The following CFAP96 variants were observed in gnomAD, a reference collection of about 807,000 sequenced individuals.
CFAP96 encodes the protein cilia and flagella associated protein 96.
chr4:185,436,619 A>G, the CFAP96 span, among the ~76,000 whole-genome samples: 1 of 152,070 alleles, frequency 6.6e-6, no homozygotes. Context: ...CTGAGGCAGG[A>G]GAACCGCTTG....
At chr4:185,429,771 G>C in the CFAP96 span, among the ~76,000 whole-genome samples, 2 of 152,100 alleles carry the variant, frequency 1.3e-5, no homozygotes, top group Non-Finnish European at 2.9e-5. Context: ...CTGGGCTCAA[G>C]GGTTCCTCCC....
the CFAP96 span, among the ~76,000 whole-genome samples, chr4:185,421,149 A>C: frequency 6.6e-6 from 1 of 152,224 alleles, no homozygotes; most frequent in South Asian, 2.1e-4. Flanking sequence ...TCTCTGTCCC[A>C]GAAATGTAGT....
the CFAP96 span, chr4:185,436,467 T>G: frequency 2.5e-6 from 2 of 787,318 alleles, no homozygotes; most frequent in African/African-American, 3.4e-5. Flanking sequence ...ATCCCAGCAC[T>G]TGGGGTGGCC....
chr4:185,415,920 A>G, the CFAP96 span: 1 of 1,428,146 alleles, frequency 7.0e-7, no homozygotes, highest in Non-Finnish European at 9.5e-7. Flanking sequence ...CACTAAATAT[A>G]AAGAGTAAGT....
At chr4:185,445,604 A>G in the CFAP96 span, 33 of 1,058,410 alleles carry the variant, frequency 3.1e-5, no homozygotes, top group Non-Finnish European at 4.5e-5. Context: ...ATGCTTTGAG[A>G]AAAAGTATAT....
chr4:185,410,775 T>C, the CFAP96 span, among the ~76,000 whole-genome samples: 1 of 151,566 alleles, frequency 6.6e-6, no homozygotes, highest in African/African-American at 2.4e-5. Context: ...TGAAACCCCA[T>C]CTCTACTAAA....
the CFAP96 span, among the ~76,000 whole-genome samples, chr4:185,424,010 T>C: frequency 1.3e-5 from 2 of 151,782 alleles, no homozygotes; most frequent in Admixed American, 6.6e-5. Flanking sequence ...TCTTCAAATG[T>C]AAAACACAGG....
the CFAP96 span, among the ~76,000 whole-genome samples, chr4:185,442,303 G>T: frequency 6.6e-6 from 1 of 152,082 alleles, no homozygotes; most frequent in East Asian, 1.9e-4. Flanking sequence ...TTTATAATTT[G>T]AATCTTCAGA....
the CFAP96 span, among the ~76,000 whole-genome samples, chr4:185,408,604 T>C: frequency 3.3e-5 from 5 of 152,248 alleles, no homozygotes; most frequent in Non-Finnish European, 7.3e-5. Context: ...CTTGGCTTTT[T>C]ATTTGAGGTT....
the CFAP96 span, chr4:185,414,011 A>G: frequency 1.5e-6 from 1 of 673,912 alleles, no homozygotes; most frequent in Non-Finnish European, 2.2e-6. Flanking sequence ...TTAATTCACT[A>G]ACATCAAAGA....
At chr4:185,431,049 A>T in the CFAP96 span, among the ~76,000 whole-genome samples, 1 of 152,114 alleles carries the variant, frequency 6.6e-6, no homozygotes, top group Non-Finnish European at 1.5e-5. Flanking sequence ...GTCTCTACTA[A>T]AAATACAAAA....
the CFAP96 span, among the ~76,000 whole-genome samples, chr4:185,433,616 T>A: frequency 6.6e-6 from 1 of 151,878 alleles, no homozygotes; most frequent in African/African-American, 2.4e-5. Flanking sequence ...GAGTGAGGAT[T>A]TTTGGCCGGG....
the CFAP96 span, among the ~76,000 whole-genome samples, chr4:185,443,331 TA>T: frequency 1.7e-3 from 51 of 30,384 alleles, no homozygotes; most frequent in Non-Finnish European, 3.0e-3. Context: ...TATATATATA[TA>T]TATATATATA....
At chr4:185,445,095 A>T in the CFAP96 span, 1 of 1,551,682 alleles carries the variant, frequency 6.4e-7, no homozygotes, top group South Asian at 1.2e-5. Context: ...CAAAAAGCAG[A>T]CCAGTTGAAA....
the CFAP96 span, among the ~76,000 whole-genome samples, chr4:185,423,799 TATAC>T: frequency 1.3e-5 from 2 of 151,904 alleles, no homozygotes; most frequent in Non-Finnish European, 2.9e-5. Context: ...TTCATACATA[TATAC>T]ATACATATAT....
chr4:185,445,097 C>T, the CFAP96 span: 12 of 1,551,518 alleles, frequency 7.7e-6, no homozygotes, highest in East Asian at 2.9e-4. Flanking sequence ...AAAAGCAGAC[C>T]AGTTGAAAGT....
chr4:185,415,143 A>C, the CFAP96 span: 10 of 1,556,358 alleles, frequency 6.4e-6, no homozygotes, highest in East Asian at 2.1e-4. Flanking sequence ...AGAATAGATG[A>C]ACTGGTTTTA....
the CFAP96 span, chr4:185,436,227 T>A: frequency 6.5e-7 from 1 of 1,543,120 alleles, no homozygotes. Context: ...GTTTTGAAAT[T>A]TAAAAAAATT....
chr4:185,418,754 C>A, the CFAP96 span: 24 of 1,583,642 alleles, frequency 1.5e-5, no homozygotes, highest in South Asian at 2.8e-4. Flanking sequence ...GTTTCAGTGC[C>A]TTCTTGAGAA....
Sources: allele counts gnomAD v4.1 joint callset (sites outside exome capture counted in the v4.1 genomes callset), GRCh38; gene constraint gnomAD v4.1.1; transcripts MANE v1.5; gene names NCBI Gene and HGNC (gene_info 2026-07-23, HGNC 2026-07-21).